The following ATF7 variants were observed in gnomAD, a reference collection of about 807,000 sequenced individuals.
ATF7 encodes cyclic AMP-dependent transcription factor ATF-7.
Under a neutral mutation model 50.4 loss-of-function variants are expected in ATF7, and 10 were observed. The observed-to-expected ratio is 0.20, with a 90% CI of 0.12 to 0.34. The LOEUF (loss-of-function observed/expected upper bound fraction) is 0.34. Ranked by LOEUF, ATF7 falls within the 10% of genes least tolerant of loss-of-function variation. The probability of loss-of-function intolerance (pLI) is 1.00; values close to 1 mark genes in which losing one functional copy is unlikely to be tolerated. For synonymous variants in ATF7, 201 were observed against 226.4 expected (o/e 0.89, Z 1.01); for missense variants, 465 against 613.9 (o/e 0.76, Z 2.56).
chr12:53,577,688 C>T (rs1237161149), intron 2 of ATF7, among the ~76,000 whole-genome samples: 1 of 147,402 alleles, frequency 6.8e-6, no homozygotes, highest in Non-Finnish European at 1.5e-5. Context: ...TGCAGTCCGG[C>T]CTGGGAGAAA....
intron 1 of ATF7, among the ~76,000 whole-genome samples, chr12:53,618,352 T>C (rs1263441197): frequency 2.0e-5 from 3 of 152,204 alleles, no homozygotes; most frequent in African/African-American, 7.2e-5. Flanking sequence ...ATCAGATGGA[T>C]GAGAAGGTAT....
At chr12:53,606,001 T>C (rs1943586343) in intron 1 of ATF7, among the ~76,000 whole-genome samples, 1 of 152,216 alleles carries the variant, frequency 6.6e-6, no homozygotes, top group African/African-American at 2.4e-5. Flanking sequence ...TTTAAATCCA[T>C]ATTTATGACT....
intron 11 of ATF7, among the ~76,000 whole-genome samples, chr12:53,520,318 T>C (rs943218166): frequency 3.3e-5 from 5 of 152,138 alleles, no homozygotes; most frequent in African/African-American, 9.7e-5. Context: ...GACTCACACA[T>C]GTAATTCCAG....
intron 2 of ATF7, among the ~76,000 whole-genome samples, chr12:53,568,349 T>C (rs1941564937): frequency 6.6e-6 from 1 of 151,398 alleles, no homozygotes. Flanking sequence ...CACTCGTCTC[T>C]AAAACCGTCT....
intron 4 of ATF7, among the ~76,000 whole-genome samples, chr12:53,538,418 G>C (rs1939346042): frequency 6.6e-6 from 1 of 152,128 alleles, no homozygotes; most frequent in South Asian, 2.1e-4. Context: ...GGTAGACAAG[G>C]GGTTTGGGGT....
chr12:53,590,883 G>C (rs1942910243), intron 2 of ATF7, among the ~76,000 whole-genome samples: 1 of 152,192 alleles, frequency 6.6e-6, no homozygotes, highest in Non-Finnish European at 1.5e-5. Flanking sequence ...GGGTTCAGAA[G>C]GGTGGGATGA....
intron 1 of ATF7, among the ~76,000 whole-genome samples, chr12:53,608,218 CAAA>C (rs71444811): frequency 2.4e-4 from 21 of 89,030 alleles, no homozygotes; most frequent in African/African-American, 5.1e-4. Flanking sequence ...GACTCTGTCT[CAAA>C]AAAAAAAAAA....
Position 53,524,840 on chromosome 12 carries a change from A to G in ATF7, c.928-79T>C. ...AATCACACCTGATGTTAGGTAGAGT[A>G]GTAAGATCTGGTAAAAGGATATACC... On this transcript the variant is annotated intron_variant, in intron 9 of 11. Coordinates refer to ENST00000420353, the MANE Select transcript of ATF7 (RefSeq NM_006856.3). The surrounding 1 kb of genome is among the most constrained non-coding windows in gnomAD (Gnocchi z 4.6). 1 of 1,290,754 alleles carries G rather than the reference A, an allele frequency of 7.7e-7. No individual in the cohort carries two copies. The highest frequency in any genetic ancestry group is 1.0e-6 in the Non-Finnish European group (1 of 959,556). 80.0% of individuals were successfully genotyped at this position (1,290,754 alleles called of 1,614,324 possible).
chr12:53,610,687 T>C (rs77650328), intron 1 of ATF7, among the ~76,000 whole-genome samples: 6,478 of 152,240 alleles, frequency 0.043, 395 homozygotes, highest in African/African-American at 0.13. Context: ...GGTACTGTTA[T>C]ATATGCTTAT....
intron 1 of ATF7, among the ~76,000 whole-genome samples, chr12:53,608,458 A>G (rs1237767080): frequency 6.6e-6 from 1 of 152,148 alleles, no homozygotes; most frequent in African/African-American, 2.4e-5. Flanking sequence ...ACACAAGGTA[A>G]AACAGGCAAT....
intron 2 of ATF7, chr12:53,574,942 T>A (rs1941972364): frequency 7.9e-6 from 2 of 253,754 alleles, no homozygotes; most frequent in South Asian, 1.0e-4. Context: ...TTCTTGCCAT[T>A]GAGCTTAAGC....
At chr12:53,532,147 C>A (rs1056239631) in intron 8 of ATF7, among the ~76,000 whole-genome samples, 2 of 152,082 alleles carry the variant, frequency 1.3e-5, no homozygotes, top group African/African-American at 2.4e-5. Context: ...GCAATAGTGT[C>A]CAGATGAAAG....
At chr12:53,574,174 A>AT (rs1289242835) in intron 2 of ATF7, among the ~76,000 whole-genome samples, 1 of 152,220 alleles carries the variant, frequency 6.6e-6, no homozygotes, top group Non-Finnish European at 1.5e-5. Flanking sequence ...AAACACTATG[A>AT]TTAACACAAC....
intron 1 of ATF7, among the ~76,000 whole-genome samples, chr12:53,608,038 T>G (rs746330910): frequency 6.6e-6 from 1 of 151,662 alleles, no homozygotes; most frequent in Non-Finnish European, 1.5e-5. Flanking sequence ...GCCAACACGG[T>G]GAAACTCCAT....
intron 2 of ATF7, among the ~76,000 whole-genome samples, chr12:53,557,518 C>T (rs972137278): frequency 1.3e-5 from 2 of 152,152 alleles, no homozygotes; most frequent in African/African-American, 4.8e-5. Context: ...TTTGTTAATA[C>T]CCTTAAAGGA....
chr12:53,601,335 T>C (rs571070218), intron 1 of ATF7, among the ~76,000 whole-genome samples: 1 of 152,182 alleles, frequency 6.6e-6, no homozygotes, highest in Non-Finnish European at 1.5e-5. Flanking sequence ...ACTAGTGCAG[T>C]TCCTTATGTC....
At position 53,517,279 on chromosome 12, in the gene ATF7, C is replaced by T. The variant is rs1274788521; in HGVS notation, c.1310G>A (p.Ser437Asn). The change falls in exon 12 of 12, where the codon AGC (serine) becomes AAC (asparagine). Residue 437 changes from serine to asparagine, a missense_variant. Physicochemically the swap from Ser to Asn is conservative, Grantham distance 46. Coordinates refer to ENST00000420353, the MANE Select transcript of ATF7 (RefSeq NM_006856.3). ...TGCAGAGCGAACACTGAGGCCATTGCTAGGGGCTGTTGCTGAGCTGTGCTG... is the reference window on the plus strand; with the variant it reads ...TGCAGAGCGAACACTGAGGCCATTGTTAGGGGCTGTTGCTGAGCTGTGCTG... ...VIQHSSATAP[S>N]NGLSVRSAAE... 1 of 1,614,014 alleles carries T rather than the reference C, an allele frequency of 6.2e-7. No individual in the cohort carries two copies. The highest frequency in any genetic ancestry group is 2.2e-5 in the East Asian group (1 of 44,888).
At chr12:53,612,465 G>A (rs1943925775) in intron 1 of ATF7, among the ~76,000 whole-genome samples, 1 of 151,886 alleles carries the variant, frequency 6.6e-6, no homozygotes, top group Admixed American at 6.6e-5. Context: ...GTAGACATGG[G>A]GTTTCACCAC....
chr12:53,582,148 A>G (rs1195998569), intron 2 of ATF7, among the ~76,000 whole-genome samples: 2 of 151,816 alleles, frequency 1.3e-5, no homozygotes, highest in Non-Finnish European at 1.5e-5. Context: ...GTGAAACCCC[A>G]TCTCTACTAA....
Sources: gnomAD v4.1 joint callset for allele counts (sites outside exome capture counted in the v4.1 genomes callset) on GRCh38, gnomAD v4.1.1 for gene constraint, Gnocchi (gnomAD v3.1) non-coding constraint, MANE v1.5 for transcripts, NCBI Gene and HGNC (gene_info 2026-07-23, HGNC 2026-07-21) for gene names.